KALRN: variants seen among roughly 807,000 people sequenced by gnomAD.
KALRN encodes kalirin RhoGEF kinase.
Under a neutral mutation model 353.7 loss-of-function variants are expected in KALRN, and 70 were observed. The ratio of observed to expected loss-of-function variants is 0.20; its 90% CI spans 0.16 to 0.24. The LOEUF (loss-of-function observed/expected upper bound fraction) is 0.24, where lower values mean the gene tolerates loss of function less well. Among genes scored for constraint, KALRN ranks in the 10% least tolerant of loss-of-function variants. The probability of loss-of-function intolerance (pLI) is 1.00; values close to 1 mark genes in which losing one functional copy is unlikely to be tolerated. For missense variants in KALRN, 2,791 were observed against 3,756.7 expected (o/e 0.74, Z 6.72); for synonymous variants, 1,391 against 1,434.8 (o/e 0.97, Z 0.69).
At position 124,474,588 on chromosome 3, in the gene KALRN, T is replaced by C. The variant is rs1003713968; in HGVS notation, c.4032-75T>C. 4.5e-6 allele frequency: 5 copies of C among 1,117,558 alleles called. No individual in the cohort carries two copies. In the African/African-American group the frequency reaches 7.7e-5, roughly 17 times the overall value. 69.2% of individuals were successfully genotyped at this position (1,117,558 alleles called of 1,614,324 possible). ...ATAAATAATTGAGAAGTTATGGTTG[T>C]GCTGGCCTCAGTGCAATCCTCTGGG... is the stretch of plus-strand genomic sequence containing the variant. On this transcript the variant is annotated intron_variant, in intron 25 of 59. Coordinates refer to ENST00000682506, the MANE Select transcript of KALRN (RefSeq NM_001388419.1).
chr3:124,244,060 A>C (rs980016788), intron 3 of KALRN, among the ~76,000 whole-genome samples: 14 of 152,208 alleles, frequency 9.2e-5, no homozygotes, highest in Non-Finnish European at 1.8e-4. Context: ...TAATGAATGA[A>C]TATATGTGCC....
intron 52 of KALRN, 97 bp downstream of exon 52, chr3:124,693,928 T>C (rs2061938750): frequency 1.2e-6 from 1 of 823,748 alleles, no homozygotes; most frequent in Non-Finnish European, 1.9e-6. Context: ...AATGGTGATA[T>C]AGTTCTGTAT....
At chr3:124,117,926 G>T (rs997672562) in intron 1 of KALRN, among the ~76,000 whole-genome samples, 2 of 152,164 alleles carry the variant, frequency 1.3e-5, no homozygotes, top group Non-Finnish European at 2.9e-5. Context: ...CTTTAGCATT[G>T]TAAATCTTTC....
At chr3:124,087,461 T>C (rs1164438907) in intron 1 of KALRN, among the ~76,000 whole-genome samples, 1 of 152,198 alleles carries the variant, frequency 6.6e-6, no homozygotes, top group African/African-American at 2.4e-5. Context: ...GTCTTCTAGA[T>C]GAAAGAAGGC....
chr3:124,141,348 AC>A (rs2066604491), intron 1 of KALRN, among the ~76,000 whole-genome samples: 1 of 151,944 alleles, frequency 6.6e-6, no homozygotes, highest in Non-Finnish European at 1.5e-5. Flanking sequence ...GCCCAACCCC[AC>A]TTTTTTATAC....
chr3:124,263,065 A>G (rs1421625050), intron 3 of KALRN, among the ~76,000 whole-genome samples: 1 of 152,254 alleles, frequency 6.6e-6, no homozygotes, highest in African/African-American at 2.4e-5. Flanking sequence ...CTGAGATGTT[A>G]TAACTATTCT....
intron 6 of KALRN, among the ~76,000 whole-genome samples, chr3:124,322,317 C>T (rs1419099354): frequency 6.6e-6 from 1 of 152,158 alleles, no homozygotes; most frequent in Non-Finnish European, 1.5e-5. Flanking sequence ...AGGTCGACTC[C>T]CTCACAGATG....
At chr3:124,140,959 C>A (rs545406550) in intron 1 of KALRN, among the ~76,000 whole-genome samples, 1 of 152,288 alleles carries the variant, frequency 6.6e-6, no homozygotes, top group Non-Finnish European at 1.5e-5. Context: ...TGGAAATAAT[C>A]TACCTCATTA....
At chr3:124,120,709 AAAATATATATATATATATAT>A (rs776036190) in intron 1 of KALRN, among the ~76,000 whole-genome samples, 2 of 112,748 alleles carry the variant, frequency 1.8e-5, no homozygotes, top group African/African-American at 7.8e-5. Flanking sequence ...AGGAATACTA[AAAATATATATATATATATAT>A]ATATATATAT....
At chr3:124,358,663 C>T (rs996759646) in intron 10 of KALRN, among the ~76,000 whole-genome samples, 1 of 152,142 alleles carries the variant, frequency 6.6e-6, no homozygotes, top group Admixed American at 6.6e-5. Context: ...CTACTGAGTA[C>T]TTTCTGTGTG....
At chr3:124,585,931 C>T (rs1429932263) in intron 34 of KALRN, among the ~76,000 whole-genome samples, 1 of 152,170 alleles carries the variant, frequency 6.6e-6, no homozygotes, top group African/African-American at 2.4e-5. Flanking sequence ...TCATCCAAGC[C>T]ACCTTTCAGC....
chr3:124,175,841 A>T (rs2072652193), intron 1 of KALRN, among the ~76,000 whole-genome samples: 1 of 152,158 alleles, frequency 6.6e-6, no homozygotes, highest in Non-Finnish European at 1.5e-5. Flanking sequence ...TTTAGATTTC[A>T]GCCTCTATTC....
rs146785753 is a variant in KALRN at position 124,652,307 on chromosome 3, A to T, written c.5795+1369A>T. Among the ~76,000 whole-genome samples, 639 of 152,352 alleles carry T rather than the reference A, an allele frequency of 4.2e-3. 3 individuals are homozygous for T. Among genetic ancestry groups the T allele is most frequent in the East Asian group, 0.034 (174 of 5,182 alleles). ...GTGGAGATGAACAAGTAGCATGTAAATCTTGAAATTCTGTATTTACCCCCT... is the reference window on the plus strand; with the variant it reads ...GTGGAGATGAACAAGTAGCATGTAATTCTTGAAATTCTGTATTTACCCCCT... On this transcript the variant is annotated intron_variant, in intron 38 of 59. Coordinates refer to ENST00000682506, the MANE Select transcript of KALRN (RefSeq NM_001388419.1).
intron 1 of KALRN, among the ~76,000 whole-genome samples, chr3:124,176,919 C>T (rs904605118): frequency 2.0e-5 from 3 of 152,182 alleles, no homozygotes; most frequent in Non-Finnish European, 4.4e-5. Context: ...TGGGTATCCA[C>T]ACTATTCGCA....
chr3:124,341,096 GT>G (rs1404251031), intron 9 of KALRN, among the ~76,000 whole-genome samples: 2 of 152,258 alleles, frequency 1.3e-5, no homozygotes, highest in Non-Finnish European at 2.9e-5. Context: ...AAGAAAGGGG[GT>G]GATTAGGGAA....
intron 3 of KALRN, among the ~76,000 whole-genome samples, chr3:124,236,138 A>G (rs1006496225): frequency 1.3e-5 from 2 of 150,712 alleles, no homozygotes; most frequent in East Asian, 2.3e-4. Context: ...GATGCTGAAT[A>G]GTGTCTGTTT....
At chr3:124,527,980 A>G (rs757825726) in intron 33 of KALRN, among the ~76,000 whole-genome samples, 4 of 152,210 alleles carry the variant, frequency 2.6e-5, no homozygotes, top group Non-Finnish European at 5.9e-5. Flanking sequence ...CATACTATTC[A>G]TGCACTGTTT....
intron 1 of KALRN, among the ~76,000 whole-genome samples, chr3:124,064,095 G>A (rs1421612358): frequency 6.6e-6 from 1 of 152,146 alleles, no homozygotes; most frequent in Non-Finnish European, 1.5e-5. Context: ...AAGGATTGAG[G>A]ATACAGAAAT....
chr3:124,683,125 A>G (rs1045873547), intron 51 of KALRN, among the ~76,000 whole-genome samples: 2 of 152,182 alleles, frequency 1.3e-5, no homozygotes, highest in Non-Finnish European at 2.9e-5. Flanking sequence ...ATGTTTCTAC[A>G]TGGAAGAAGA....
Sources: allele counts gnomAD v4.1 joint callset (sites outside exome capture counted in the v4.1 genomes callset), GRCh38; gene constraint gnomAD v4.1.1; transcripts MANE v1.5; gene names NCBI Gene and HGNC (gene_info 2026-07-23, HGNC 2026-07-21).